The following AK4 variants were observed in gnomAD, a reference collection of about 807,000 sequenced individuals.
AK4 encodes adenylate kinase 4, also known as adenylate kinase 4, mitochondrial.
In AK4, 13 loss-of-function variants were observed where a neutral mutation model predicts 24.6. The ratio of observed to expected loss-of-function variants is 0.53; its 90% CI spans 0.34 to 0.84. The LOEUF is 0.84. Ranked by LOEUF, AK4 falls within the 40% of genes least tolerant of loss-of-function variation. AK4 has a pLI of 0.01. For synonymous variants in AK4, 88 were observed against 107.0 expected, an observed-to-expected ratio of 0.82 and a Z score of 1.10; for missense variants, 192 against 288.2, an observed-to-expected ratio of 0.67 and a Z score of 2.42.
At chr1:65,155,175 C>G (rs1270487597) in intron 1 of AK4, among the ~76,000 whole-genome samples, 3 of 152,064 alleles carry the variant, frequency 2.0e-5, no homozygotes, top group Admixed American at 6.6e-5. Flanking sequence ...TTAAACGTAG[C>G]TTACAAATAT....
chr1:65,159,627 T>TGAGCCACTGCAC (rs1457321471), intron 1 of AK4, among the ~76,000 whole-genome samples: 3 of 151,980 alleles, frequency 2.0e-5, no homozygotes, highest in African/African-American at 7.2e-5. Context: ...GAGCTGTGTT[T>TGAGCCACTGCAC]GAGCCACTGC....
At chr1:65,175,893 G>A (rs1650697067) in intron 1 of AK4, among the ~76,000 whole-genome samples, 1 of 152,030 alleles carries the variant, frequency 6.6e-6, no homozygotes, top group Non-Finnish European at 1.5e-5. Flanking sequence ...TTTCTCCTCC[G>A]CTGCTTATAT....
At chr1:65,203,170 G>A in intron 2 of AK4, among the ~76,000 whole-genome samples, 1 of 152,076 alleles carries the variant, frequency 6.6e-6, no homozygotes, top group Non-Finnish European at 1.5e-5. Context: ...ACTGTGCCGA[G>A]TTGTATAGTC....
chr1:65,209,193 C>A (rs757927769), intron 2 of AK4, among the ~76,000 whole-genome samples: 3 of 152,096 alleles, frequency 2.0e-5, no homozygotes, highest in African/African-American at 7.2e-5. Context: ...ATAAAGCATG[C>A]GGTGGAACAG....
rs1442034872 is a variant in AK4, at chr1:65,227,021, A to AAG, written c.*845_*846insGA. On this transcript the variant is annotated 3_prime_UTR_variant, in exon 5 of 5. Transcript: ENST00000327299. ...TGTTCCTTTCTTTTATTGTGAAAAA[A>AAG]AAAAAAAACCCTGAAAGTCTTGGGA... is the stretch of plus-strand genomic sequence containing the variant. 4.1e-5 allele frequency: 6 copies of AAG among 145,136 alleles called. No individual in the cohort carries two copies. Among genetic ancestry groups the AAG allele is most frequent in the Non-Finnish European group, 9.0e-5 (6 of 66,662 alleles). 9.0% of individuals were successfully genotyped at this position (145,136 alleles called of 1,614,324 possible). A position where few individuals can be genotyped will look rare whatever the true frequency, so the allele number is the denominator to read the frequency against.
chr1:65,187,896 A>T (rs989963884), intron 1 of AK4, among the ~76,000 whole-genome samples: 1 of 152,210 alleles, frequency 6.6e-6, no homozygotes. Flanking sequence ...GTTCAGTCAC[A>T]TTCACCAATG....
intron 1 of AK4, among the ~76,000 whole-genome samples, chr1:65,178,751 T>C (rs939597175): frequency 2.6e-5 from 4 of 152,118 alleles, no homozygotes; most frequent in Non-Finnish European, 5.9e-5. Context: ...GTTCCGTCTT[T>C]CCTCCACGAG....
At chr1:65,172,793 G>A (rs535760726) in intron 1 of AK4, among the ~76,000 whole-genome samples, 2 of 151,362 alleles carry the variant, frequency 1.3e-5, no homozygotes, top group Admixed American at 1.3e-4. Context: ...AAGATGAAAT[G>A]CGATGCTTTC....
intron 3 of AK4, among the ~76,000 whole-genome samples, chr1:65,219,816 A>G (rs543533231): frequency 2.3e-4 from 35 of 152,340 alleles, no homozygotes; most frequent in African/African-American, 4.6e-4. Flanking sequence ...GCACAATGAC[A>G]TGACATTTTT....
intron 1 of AK4, 28 bp downstream of exon 1, chr1:65,148,580 G>A (rs1282661928): frequency 1.3e-6 from 2 of 1,574,162 alleles, no homozygotes; most frequent in African/African-American, 2.7e-5. Context: ...CGAGGGCCGG[G>A]GGCGAGCCGC....
intron 3 of AK4, among the ~76,000 whole-genome samples, chr1:65,221,129 T>G (rs1652282695): frequency 6.6e-6 from 1 of 152,216 alleles, no homozygotes; most frequent in South Asian, 2.1e-4. Context: ...AATTATTGTT[T>G]TTTTGATAAA....
At chr1:65,219,202 A>G (rs1172826417) in intron 3 of AK4, among the ~76,000 whole-genome samples, 3 of 151,274 alleles carry the variant, frequency 2.0e-5, no homozygotes, top group Non-Finnish European at 4.4e-5. Context: ...CAATGTATAT[A>G]ATTATATTTA....
At chr1:65,179,602 G>GC (rs1650831839) in intron 1 of AK4, among the ~76,000 whole-genome samples, 1 of 152,152 alleles carries the variant, frequency 6.6e-6, no homozygotes, top group Non-Finnish European at 1.5e-5. Context: ...ACTTTGGGAG[G>GC]CCCGGGCAGG....
At chr1:65,160,854 C>T (rs1393316000) in intron 1 of AK4, among the ~76,000 whole-genome samples, 1 of 152,170 alleles carries the variant, frequency 6.6e-6, no homozygotes, top group Non-Finnish European at 1.5e-5. Context: ...ATCGGCTTCT[C>T]AAAATGCTGG....
At chr1:65,165,362 G>T (rs1049000829) in intron 1 of AK4, among the ~76,000 whole-genome samples, 1 of 152,228 alleles carries the variant, frequency 6.6e-6, no homozygotes, top group South Asian at 2.1e-4. Flanking sequence ...TAGGTATCAT[G>T]TCTATGAGTA....
chr1:65,224,849 A>G lies in AK4; in HGVS notation c.536A>G (p.Lys179Arg). Residue 179 changes from lysine to arginine, a missense_variant, in exon 4 of 5, where the codon AAG (lysine) becomes AGG (arginine). Lys to Arg is a conservative substitution (Grantham distance 26). Transcript: ENST00000327299. ...CTAAGACAGTACAAAGACGTGGCAA[A>G]GCCAGTCATTGAATTATACAAGTGA... ...ARLRQYKDVAKPVIELYKSRG... is the reference protein window; with the variant it reads ...ARLRQYKDVARPVIELYKSRG... 6.2e-7 allele frequency: 1 copy of G among 1,613,662 alleles called. No homozygotes were observed. Among genetic ancestry groups the G allele is most frequent in the Non-Finnish European group, 8.5e-7 (1 of 1,179,568 alleles).
At chr1:65,186,838 A>G (rs1651115408) in intron 1 of AK4, among the ~76,000 whole-genome samples, 1 of 152,210 alleles carries the variant, frequency 6.6e-6, no homozygotes, top group African/African-American at 2.4e-5. Flanking sequence ...AACTGAAAAC[A>G]TACACTCACA....
chr1:65,148,115 C>A (rs1263049004), upstream of AK4: 1 of 459,622 alleles, frequency 2.2e-6, no homozygotes, highest in East Asian at 4.9e-5. Context: ...GGGCGGGGCA[C>A]GGCGCGCTTC....
chr1:65,217,875 T>C (rs1259440411), intron 2 of AK4, among the ~76,000 whole-genome samples: 1 of 152,232 alleles, frequency 6.6e-6, no homozygotes, highest in East Asian at 1.9e-4. Flanking sequence ...TCAAATTTTT[T>C]CCAGCTTTAT....
Sources: allele counts gnomAD v4.1 joint callset (sites outside exome capture counted in the v4.1 genomes callset), GRCh38; gene constraint gnomAD v4.1.1; transcripts MANE v1.5; gene names NCBI Gene and HGNC (gene_info 2026-07-23, HGNC 2026-07-21).